NLGN4X: variants seen among roughly 807,000 people sequenced by gnomAD.
NLGN4X encodes the protein neuroligin-4, X-linked.
NLGN4X carries 3 observed loss-of-function variants against 40.3 expected under a neutral mutation model. The observed-to-expected ratio is 0.07, with a 90% CI of 0.03 to 0.19. The LOEUF is 0.19. Ranked by LOEUF, NLGN4X falls within the 10% of genes least tolerant of loss-of-function variation. The pLI is 1.00. For missense variants in NLGN4X, 382 were observed against 708.3 expected, an observed-to-expected ratio of 0.54 and a Z score of 5.23; for synonymous variants, 270 against 306.8, an observed-to-expected ratio of 0.88 and a Z score of 1.25.
intron 2 of NLGN4X, among the ~76,000 whole-genome samples, chrX:6,116,322 G>T: frequency 8.0e-5 from 5 of 62,646 alleles, no homozygotes; most frequent in African/African-American, 1.2e-4. Flanking sequence ...AAAAAACACT[G>T]TGAAAGAGCG....
chrX:6,224,551 A>C (rs1925986984), intron 1 of NLGN4X, among the ~76,000 whole-genome samples: 1 of 111,575 alleles, frequency 9.0e-6, no homozygotes, highest in African/African-American at 3.3e-5. Flanking sequence ...ATTCCAGGCC[A>C]ACAACTATGA....
At chrX:6,051,190 A>G (rs1044700937) in intron 2 of NLGN4X, among the ~76,000 whole-genome samples, 1 of 112,033 alleles carries the variant, frequency 8.9e-6, no homozygotes, top group African/African-American at 3.2e-5. Flanking sequence ...AATTGTATAG[A>G]TACTATGTTG....
chrX:6,089,011 T>C (rs969868037), intron 2 of NLGN4X, among the ~76,000 whole-genome samples: 48 of 111,944 alleles, frequency 4.3e-4, no homozygotes, highest in African/African-American at 1.5e-3. Context: ...ATATATTAAA[T>C]TAATACCTGG....
chrX:6,197,733 G>C (rs1238245917), intron 1 of NLGN4X, among the ~76,000 whole-genome samples: 1 of 110,242 alleles, frequency 9.1e-6, no homozygotes, highest in Admixed American at 9.7e-5. Flanking sequence ...ATTTTCAATA[G>C]TCAACATGAA....
At chrX:5,912,945 A>AGAGC (rs2032562724) in intron 3 of NLGN4X, among the ~76,000 whole-genome samples, 3 of 41,037 alleles carry the variant, frequency 7.3e-5, no homozygotes, top group East Asian at 1.0e-3. Context: ...GGAGGGAGGG[A>AGAGC]AGGAGGGAGG....
intron 3 of NLGN4X, among the ~76,000 whole-genome samples, chrX:6,014,350 A>G (rs1602064700): frequency 8.9e-6 from 1 of 112,076 alleles, no homozygotes; most frequent in Non-Finnish European, 1.9e-5. Flanking sequence ...AAAGAAGACA[A>G]ACAGACAAAC....
At chrX:5,986,560 G>C (rs1253146147) in intron 3 of NLGN4X, among the ~76,000 whole-genome samples, 1 of 112,001 alleles carries the variant, frequency 8.9e-6, no homozygotes, top group African/African-American at 3.2e-5. Flanking sequence ...ATATTGTAAA[G>C]TCTATAAACT....
chrX:6,027,663 A>C (rs1455113107), intron 3 of NLGN4X, among the ~76,000 whole-genome samples: 1 of 107,657 alleles, frequency 9.3e-6, no homozygotes, highest in Non-Finnish European at 1.9e-5. Flanking sequence ...AAAAAAAAAA[A>C]CCCACTCAAA....
At chrX:6,184,677 T>C (rs1008962567) in intron 1 of NLGN4X, among the ~76,000 whole-genome samples, 3 of 111,675 alleles carry the variant, frequency 2.7e-5, no homozygotes, top group African/African-American at 6.5e-5. Flanking sequence ...AGGAAAATTA[T>C]ACCTACTCAT....
At chrX:6,024,880 C>A (rs1195631447) in intron 3 of NLGN4X, among the ~76,000 whole-genome samples, 1 of 111,944 alleles carries the variant, frequency 8.9e-6, no homozygotes, top group Non-Finnish European at 1.9e-5. Context: ...AAATAGCCAA[C>A]TAGCAGCCCT....
chrX:5,940,903 G>T (rs916115845), intron 3 of NLGN4X, among the ~76,000 whole-genome samples: 2 of 110,634 alleles, frequency 1.8e-5, no homozygotes, highest in East Asian at 5.7e-4. Flanking sequence ...AATCACTTGA[G>T]CCCAGGAATT....
At chrX:5,944,821 T>A (rs775678800) in intron 3 of NLGN4X, among the ~76,000 whole-genome samples, 1 of 111,573 alleles carries the variant, frequency 9.0e-6, no homozygotes, top group Non-Finnish European at 1.9e-5. Flanking sequence ...GAAAGAACCA[T>A]CTGTTTGGAG....
intron 2 of NLGN4X, chrX:6,032,741 G>A: frequency 1.7e-6 from 2 of 1,174,899 alleles, no homozygotes; most frequent in Middle Eastern, 4.8e-4. Flanking sequence ...GTTTTTCTTT[G>A]TGTTGGCTCC....
intron 3 of NLGN4X, among the ~76,000 whole-genome samples, chrX:5,927,410 AC>A (rs1161178263): frequency 8.9e-6 from 1 of 112,113 alleles, no homozygotes; most frequent in African/African-American, 3.2e-5. Flanking sequence ...GAATGTGTCA[AC>A]AAACTTGAAG....
chrX:6,148,299 G>C (rs2040094494), intron 2 of NLGN4X, among the ~76,000 whole-genome samples: 2 of 111,488 alleles, frequency 1.8e-5, no homozygotes, highest in African/African-American at 6.5e-5. Flanking sequence ...TTCTGGCTTT[G>C]TCAGACTGGT....
intron 1 of NLGN4X, among the ~76,000 whole-genome samples, chrX:6,160,195 G>A (rs2040354786): frequency 8.9e-6 from 1 of 112,132 alleles, no homozygotes; most frequent in Non-Finnish European, 1.9e-5. Context: ...TTCAGGTGAT[G>A]TATACTCCAT....
At position 6,082,948 on chromosome X, in the gene NLGN4X, G is replaced by GTTTTTTTTT. The variant is rs930625574; in HGVS notation, c.473-53517_473-53516insAAAAAAAAA. Among the ~76,000 whole-genome samples, 254 of 70,320 alleles carry GTTTTTTTTT rather than the reference G, an allele frequency of 3.6e-3. 28 individuals are homozygous for GTTTTTTTTT. Among genetic ancestry groups the GTTTTTTTTT allele is most frequent in the Middle Eastern group, 6.6e-3 (1 of 151 alleles). The allele number at this position is 70,320 out of a possible 115,157, so 61.1% of individuals were successfully genotyped here. ...AAAAAAAGAGATTTTGCCATGATGC[G>GTTTTTTTTT]TTTTTTTCTTTTTTTTTTTTTTTTT... On this transcript the variant is annotated intron_variant, in intron 2 of 5. Coordinates refer to ENST00000381095, the MANE Select transcript of NLGN4X (RefSeq NM_181332.3).
intron 2 of NLGN4X, among the ~76,000 whole-genome samples, chrX:6,042,730 T>TATATAC (rs1215396694): frequency 0.023 from 454 of 20,065 alleles, 20 homozygotes; most frequent in Non-Finnish European, 0.034. Flanking sequence ...TATATATATA[T>TATATAC]ACACACACAC....
intron 2 of NLGN4X, among the ~76,000 whole-genome samples, chrX:6,147,506 G>A (rs2040073550): frequency 8.9e-6 from 1 of 111,922 alleles, no homozygotes; most frequent in African/African-American, 3.2e-5. Context: ...GAACTGTACT[G>A]CCATCCCCTC....
Sources: gnomAD v4.1 joint callset for allele counts (sites outside exome capture counted in the v4.1 genomes callset) on GRCh38, gnomAD v4.1.1 for gene constraint, MANE v1.5 for transcripts, NCBI Gene and HGNC (gene_info 2026-07-23, HGNC 2026-07-21) for gene names.